RBBP8: variants seen among roughly 807,000 people sequenced by gnomAD.
RBBP8 encodes the protein RB binding protein 8, endonuclease, also known as DNA endonuclease RBBP8.
In RBBP8, 88 loss-of-function variants were observed where a neutral mutation model predicts 108.3. The observed-to-expected ratio is 0.81, with a 90% CI of 0.68 to 0.97. The LOEUF (loss-of-function observed/expected upper bound fraction) is 0.97. Among genes scored for constraint, RBBP8 ranks in the 50% least tolerant of loss-of-function variants. The pLI is 0.00. For synonymous variants in RBBP8, 332 were observed against 348.2 expected (o/e 0.95, Z 0.52); for missense variants, 1,023 against 1,049.0 (o/e 0.98, Z 0.34).
chr18:22,993,029 C>A lies in RBBP8; in HGVS notation c.1202C>A (p.Ser401Ter). The A allele has an allele frequency of 6.2e-7, 1 of 1,613,058 alleles. No homozygotes were observed. Among genetic ancestry groups the A allele is most frequent in the South Asian group, 1.1e-5 (1 of 91,000 alleles). Reference sequence around the variant, plus strand: ...GAAGTGAACAAGATCATTATCCAGTCATCTAATAAACAGATACTTATAAAT... The same window carrying A: ...GAAGTGAACAAGATCATTATCCAGTAATCTAATAAACAGATACTTATAAAT... Reference protein sequence around the residue: ...GSEVNKIIIQSSNKQILINKN... With the variant: ...GSEVNKIIIQ The change falls in exon 11 of 19, where the codon TCA becomes TAA. Residue 401 changes from serine to a stop codon, truncating the protein, a stop_gained. Coordinates refer to ENST00000327155, the MANE Select transcript of RBBP8 (RefSeq NM_002894.3). LOFTEE classifies it high-confidence loss of function.
rs1356265633 is a variant in RBBP8, at chr18:22,975,068, A to G, written c.362-85A>G. On this transcript the variant is annotated intron_variant, in intron 5 of 18. Coordinates refer to ENST00000327155, the MANE Select transcript of RBBP8 (RefSeq NM_002894.3). Reference sequence around the variant, plus strand: ...GGATTAGAAGTACTAATTTCTTCATACATGCTGACATATTTTATTTGAAAG... The same window carrying G: ...GGATTAGAAGTACTAATTTCTTCATGCATGCTGACATATTTTATTTGAAAG... 4 of 1,425,758 alleles carry G rather than the reference A, an allele frequency of 2.8e-6. No individual in the cohort carries two copies. In the Admixed American group the frequency reaches 8.8e-5, roughly 31 times the overall value. The allele number at this position is 1,425,758 out of a possible 1,614,324, so 88.3% of individuals were successfully genotyped here.
intron 16 of RBBP8, among the ~76,000 whole-genome samples, chr18:23,007,736 A>C (rs2046081485): frequency 1.3e-5 from 2 of 149,446 alleles, no homozygotes; most frequent in Non-Finnish European, 3.0e-5. Context: ...AGTAAGACTT[A>C]GGTTTATTAT....
At chr18:22,972,332 C>T (rs1203633086) in intron 5 of RBBP8, among the ~76,000 whole-genome samples, 1 of 120,730 alleles carries the variant, frequency 8.3e-6, no homozygotes, top group Non-Finnish European at 1.6e-5. Flanking sequence ...CCAGCCTCGG[C>T]GACAGAGCGA....
intron 3 of RBBP8, among the ~76,000 whole-genome samples, chr18:22,920,552 T>C (rs1311132661): frequency 6.6e-6 from 1 of 152,218 alleles, no homozygotes; most frequent in Non-Finnish European, 1.5e-5. Flanking sequence ...TCTTTGCCTA[T>C]CATATCTACA....
intron 2 of RBBP8, among the ~76,000 whole-genome samples, chr18:22,940,008 A>C (rs1180362884): frequency 1.3e-5 from 2 of 150,960 alleles, no homozygotes; most frequent in Non-Finnish European, 2.9e-5. Context: ...CTGGATAGTT[A>C]GGTTTAGTTC....
At chr18:22,976,890 C>T (rs973143448) in intron 6 of RBBP8, among the ~76,000 whole-genome samples, 3 of 152,030 alleles carry the variant, frequency 2.0e-5, no homozygotes, top group African/African-American at 7.2e-5. Flanking sequence ...GTGTCATTTG[C>T]TTGGTAGAAA....
Position 22,975,227 on chromosome 18 carries a change from T to G in RBBP8, c.428+8T>G. ...ACTCCAGCAGAAAATTGAGTAAGTA[T>G]TTTCCTCCAACCTTGTTATTTTATT... On this transcript the variant is annotated splice_region_variant and intron_variant, in intron 6 of 18. Coordinates refer to ENST00000327155, the MANE Select transcript of RBBP8 (RefSeq NM_002894.3). The G allele has an allele frequency of 6.2e-7, 1 of 1,612,282 alleles. No homozygotes were observed. The highest frequency in any genetic ancestry group is 1.7e-4 in the Middle Eastern group (1 of 6,046).
At chr18:22,960,136 G>A (rs111908491) in intron 4 of RBBP8, among the ~76,000 whole-genome samples, 10,593 of 151,930 alleles carry the variant, frequency 0.07, 419 homozygotes, top group Middle Eastern at 0.12. Flanking sequence ...CTTGTGATCC[G>A]CCCACCTCGG....
intron 4 of RBBP8, among the ~76,000 whole-genome samples, chr18:22,963,811 A>G (rs1051629027): frequency 8.5e-5 from 13 of 152,274 alleles, no homozygotes; most frequent in Non-Finnish European, 1.8e-4. Context: ...TGTACCCATC[A>G]CTTGGTTTCA....
chr18:22,950,043 C>T (rs546211624), intron 4 of RBBP8: 12 of 212,502 alleles, frequency 5.6e-5, no homozygotes, highest in African/African-American at 2.6e-4. Context: ...CTGTTTCTGT[C>T]GTCTTTTCTT....
intron 3 of RBBP8, among the ~76,000 whole-genome samples, chr18:22,924,162 C>T (rs1598621194): frequency 8.4e-6 from 1 of 118,522 alleles, no homozygotes; most frequent in Non-Finnish European, 1.6e-5. Context: ...CGGAGTCTCA[C>T]TCTGTCATCA....
At chr18:23,015,718 C>T (rs2046243700) in intron 16 of RBBP8, among the ~76,000 whole-genome samples, 1 of 152,016 alleles carries the variant, frequency 6.6e-6, no homozygotes, top group South Asian at 2.1e-4. Flanking sequence ...ATAGACTATC[C>T]TTTCCCCAAT....
intron 8 of RBBP8, among the ~76,000 whole-genome samples, chr18:22,986,379 A>G (rs143596426): frequency 2.0e-3 from 302 of 152,358 alleles, no homozygotes; most frequent in Middle Eastern, 0.017. Flanking sequence ...AACTAGTAAC[A>G]TGATAAAAAT....
At chr18:22,955,641 G>A (rs996332935) in intron 4 of RBBP8, among the ~76,000 whole-genome samples, 4 of 150,638 alleles carry the variant, frequency 2.7e-5, no homozygotes, top group East Asian at 3.9e-4. Flanking sequence ...GCAGTGGCGC[G>A]ATCTCTGCTC....
At chr18:23,001,754 TG>T (rs1265903629) in intron 15 of RBBP8, 25 bp downstream of exon 15, 2 of 1,613,578 alleles carry the variant, frequency 1.2e-6, no homozygotes, top group Non-Finnish European at 1.7e-6. Context: ...TGTTTAATTA[TG>T]GCTTCTCAGT....
chr18:22,996,213 A>T (rs545325656), intron 12 of RBBP8, among the ~76,000 whole-genome samples, 161 bp from the exon 13 acceptor site: 3 of 152,216 alleles, frequency 2.0e-5, no homozygotes, highest in East Asian at 3.9e-4. Context: ...TTGTCTTTTT[A>T]TTATGGAGCT....
intron 4 of RBBP8, among the ~76,000 whole-genome samples, chr18:22,956,160 G>A (rs1912523046): frequency 6.6e-6 from 1 of 151,424 alleles, no homozygotes; most frequent in African/African-American, 2.4e-5. Flanking sequence ...GGACTAAGTA[G>A]GTAACTTTTG....
At chr18:23,009,553 A>G (rs1044587897) in intron 16 of RBBP8, among the ~76,000 whole-genome samples, 1 of 150,402 alleles carries the variant, frequency 6.6e-6, no homozygotes, top group Non-Finnish European at 1.5e-5. Context: ...AATGTATATA[A>G]TGGACACAAA....
At chr18:22,976,632 AT>A (rs1267026558) in intron 6 of RBBP8, among the ~76,000 whole-genome samples, 3 of 152,122 alleles carry the variant, frequency 2.0e-5, no homozygotes, top group Non-Finnish European at 4.4e-5. Flanking sequence ...TATTACTTTC[AT>A]TTTTTTTAAA....
Sources: gnomAD v4.1 joint callset for allele counts (sites outside exome capture counted in the v4.1 genomes callset) on GRCh38, gnomAD v4.1.1 for gene constraint, MANE v1.5 for transcripts, NCBI Gene and HGNC (gene_info 2026-07-23, HGNC 2026-07-21) for gene names.